KCNQ5: variants seen among roughly 807,000 people sequenced by gnomAD.
KCNQ5 encodes potassium voltage-gated channel subfamily KQT member 5.
KCNQ5 carries 30 observed loss-of-function variants against 98.2 expected under a neutral mutation model. The ratio of observed to expected loss-of-function variants is 0.31; its 90% confidence interval spans 0.23 to 0.41. The LOEUF (loss-of-function observed/expected upper bound fraction) is 0.41, where lower values mean the gene tolerates loss of function less well. Ranked by LOEUF, KCNQ5 falls within the 10% of genes least tolerant of loss-of-function variation. The pLI is 1.00. For synonymous variants in KCNQ5, 458 were observed against 449.4 expected (o/e 1.02, Z -0.24); for missense variants, 835 against 1,182.5 (o/e 0.71, Z 4.31).
chr6:73,089,821 G>A (rs969780092), intron 5 of KCNQ5, among the ~76,000 whole-genome samples: 2 of 152,016 alleles, frequency 1.3e-5, no homozygotes, highest in African/African-American at 4.8e-5. Flanking sequence ...TGATTGATGG[G>A]CATTTGGGTT....
intron 8 of KCNQ5, 123 bp downstream of exon 8, chr6:73,120,700 A>G (rs1891404): frequency 0.96 from 506,878 of 528,270 alleles, 243,228 homozygotes; most frequent in South Asian, 0.98. Flanking sequence ...GTTGCTCCTA[A>G]AGAGATTCAA....
intron 1 of KCNQ5, among the ~76,000 whole-genome samples, chr6:72,975,217 C>T (rs924360929): frequency 6.6e-6 from 1 of 151,626 alleles, no homozygotes; most frequent in South Asian, 2.1e-4. Flanking sequence ...GTGTTTCTAC[C>T]TACATAAAAT....
chr6:72,859,979 T>C (rs1777697749), intron 1 of KCNQ5, among the ~76,000 whole-genome samples: 1 of 152,124 alleles, frequency 6.6e-6, no homozygotes, highest in African/African-American at 2.4e-5. Flanking sequence ...AAAAAAGCTT[T>C]TTCCCCTTTT....
At chr6:73,094,780 T>C (rs1774409165) in intron 5 of KCNQ5, among the ~76,000 whole-genome samples, 1 of 152,214 alleles carries the variant, frequency 6.6e-6, no homozygotes, top group South Asian at 2.1e-4. Context: ...GGGTTTCTGC[T>C]GAGAAATCTG....
intron 1 of KCNQ5, among the ~76,000 whole-genome samples, chr6:72,718,938 A>G (rs1439289851): frequency 6.6e-6 from 1 of 152,196 alleles, no homozygotes; most frequent in South Asian, 2.1e-4. Flanking sequence ...TATAAAAATA[A>G]CTCCTAAGAA....
chr6:73,007,208 A>G (rs1769853088), intron 2 of KCNQ5, among the ~76,000 whole-genome samples: 1 of 152,154 alleles, frequency 6.6e-6, no homozygotes, highest in African/African-American at 2.4e-5. Flanking sequence ...TTGCTCATTT[A>G]TTCTTTTCAG....
Position 73,194,530 on chromosome 6 carries a change from C to T in KCNQ5, c.1915C>T (p.Leu639Phe), listed in dbSNP as rs759074048. 8.7e-6 allele frequency: 14 copies of T among 1,614,206 alleles called. 1 individual carries two copies. The South Asian group carries it at 1.2e-4, about 14-fold the overall frequency. Reference sequence around the variant, plus strand: ...CCTTCGGAAAGGCTCTGCCTCAGCCCTCGCTTTGGCTTCATTCCAGATCCC... The same window carrying T: ...CCTTCGGAAAGGCTCTGCCTCAGCCTTCGCTTTGGCTTCATTCCAGATCCC... ...QVLRKGSASA[L>F]ALASFQIPPF... The change falls in exon 14 of 14, where the codon CTC (leucine) becomes TTC (phenylalanine). Residue 639 changes from leucine (L) to phenylalanine (F), a missense_variant. Leu to Phe is a conservative substitution (Grantham distance 22). Around this residue, in one of 10 missense-constraint regions of KCNQ5, gnomAD observed 416 missense variants for 446.9 expected, o/e 0.93. Coordinates refer to ENST00000370398, the MANE Select transcript of KCNQ5 (RefSeq NM_019842.4).
intron 9 of KCNQ5, among the ~76,000 whole-genome samples, chr6:73,126,786 C>T (rs1290854906): frequency 6.6e-6 from 1 of 152,132 alleles, no homozygotes; most frequent in Admixed American, 6.5e-5. Context: ...ATTTCATACA[C>T]TTAGGTGTCC....
rs763156946 is a variant in KCNQ5, at chr6:72,717,444, A to T, written c.398+94857A>T. Reference sequence around the variant, plus strand: ...TATGTACAATTATTATGTGTCAAAAATTTTTTAAATATTTTGAAAAGAGAA... The same window carrying T: ...TATGTACAATTATTATGTGTCAAAATTTTTTTAAATATTTTGAAAAGAGAA... On this transcript the variant is annotated intron_variant, in intron 1 of 13. Transcript: ENST00000370398. Among the ~76,000 whole-genome samples, 210 of 152,322 alleles carry T rather than the reference A, an allele frequency of 1.4e-3. 1 individual carries two copies. The highest frequency in any genetic ancestry group is 2.5e-3 in the Non-Finnish European group (173 of 68,032).
intron 10 of KCNQ5, among the ~76,000 whole-genome samples, chr6:73,166,849 G>C (rs143466216): frequency 6.6e-6 from 1 of 152,272 alleles, no homozygotes; most frequent in Non-Finnish European, 1.5e-5. Flanking sequence ...CATCTTCTCT[G>C]TGTCCCTATG....
intron 9 of KCNQ5, among the ~76,000 whole-genome samples, chr6:73,128,964 T>C (rs983846759): frequency 6.6e-6 from 1 of 152,196 alleles, no homozygotes; most frequent in Non-Finnish European, 1.5e-5. Flanking sequence ...GAGAGAACTC[T>C]AGAACCCTGG....
chr6:73,181,441 TA>T (rs59259521), intron 11 of KCNQ5, among the ~76,000 whole-genome samples: 7,314 of 152,284 alleles, frequency 0.048, 200 homozygotes, highest in East Asian at 0.1. Flanking sequence ...CATAGGTACT[TA>T]ATGAATATTC....
In KCNQ5 at chr6:73,195,562, A is replaced by C; in HGVS notation, c.*148A>C. 1.0e-6 allele frequency: 1 copy of C among 971,258 alleles called. No homozygotes were observed. Among genetic ancestry groups the C allele is most frequent in the Non-Finnish European group, 1.5e-6 (1 of 667,044 alleles). The allele number at this position is 971,258 out of a possible 1,614,324, so 60.2% of individuals were successfully genotyped here. Reference sequence around the variant, plus strand: ...TATAAGCCCGTTACCTTTTAATTGCATGAAAATGCATGTTTAGGGATGGCT... The same window carrying C: ...TATAAGCCCGTTACCTTTTAATTGCCTGAAAATGCATGTTTAGGGATGGCT... On this transcript the variant is annotated 3_prime_UTR_variant, in exon 14 of 14. Transcript: ENST00000370398.
At chr6:72,661,536 G>A (rs906798154) in intron 1 of KCNQ5, among the ~76,000 whole-genome samples, 2 of 152,040 alleles carry the variant, frequency 1.3e-5, no homozygotes, top group African/African-American at 4.8e-5. Context: ...ATAGGAGTAA[G>A]TTTCTTACCA....
chr6:73,074,828 CA>C (rs1773457284), intron 3 of KCNQ5, among the ~76,000 whole-genome samples: 2 of 150,880 alleles, frequency 1.3e-5, no homozygotes, highest in Non-Finnish European at 2.9e-5. Context: ...GTATTTTCTG[CA>C]CCCCTACTAG....
intron 1 of KCNQ5, among the ~76,000 whole-genome samples, chr6:72,826,175 G>A (rs560906922): frequency 1.3e-5 from 2 of 152,112 alleles, no homozygotes; most frequent in South Asian, 2.1e-4. Context: ...CAATTCATTC[G>A]ACTCTAACCA....
chr6:72,717,924 C>G (rs1769731223), intron 1 of KCNQ5, among the ~76,000 whole-genome samples: 1 of 152,092 alleles, frequency 6.6e-6, no homozygotes, highest in African/African-American at 2.4e-5. Flanking sequence ...ACAGTACTAC[C>G]AAGAGTAGTT....
chr6:72,951,892 A>C (rs1018387273), intron 1 of KCNQ5, among the ~76,000 whole-genome samples: 1 of 152,182 alleles, frequency 6.6e-6, no homozygotes, highest in Non-Finnish European at 1.5e-5. Flanking sequence ...AAATCCATTA[A>C]ATTAAAAGAG....
At chr6:72,902,313 A>G (rs1233107042) in intron 1 of KCNQ5, among the ~76,000 whole-genome samples, 1 of 152,096 alleles carries the variant, frequency 6.6e-6, no homozygotes, top group African/African-American at 2.4e-5. Context: ...TTCCTCTTTA[A>G]TGATTTGGAT....
Sources: gnomAD v4.1 joint callset for allele counts (sites outside exome capture counted in the v4.1 genomes callset) on GRCh38, gnomAD v4.1.1 for gene constraint, gnomAD v4.1.1 regional missense constraint, MANE v1.5 for transcripts, NCBI Gene and HGNC (gene_info 2026-07-23, HGNC 2026-07-21) for gene names.